The following AGBL4 variants were observed in gnomAD, a reference collection of about 807,000 sequenced individuals.
The protein encoded by AGBL4 is AGBL carboxypeptidase 4.
AGBL4 carries 58 observed loss-of-function variants against 66.4 expected under a neutral mutation model. The ratio of observed to expected loss-of-function variants is 0.87; its 90% confidence interval spans 0.71 to 1.09. The LOEUF is 1.09. AGBL4 is among the 50% of genes least tolerant of loss of function. The probability of loss-of-function intolerance (pLI) is 0.00; values close to 1 mark genes in which losing one functional copy is unlikely to be tolerated. For synonymous variants in AGBL4, 234 were observed against 222.9 expected (o/e 1.05, Z -0.44); for missense variants, 579 against 631.0 (o/e 0.92, Z 0.88).
intron 1 of AGBL4, among the ~76,000 whole-genome samples, chr1:49,999,190 T>C (rs1043068409): frequency 3.3e-5 from 5 of 151,964 alleles, no homozygotes; most frequent in Admixed American, 2.0e-4. Flanking sequence ...TACAGACTCA[T>C]CCAAAAAGCT....
intron 4 of AGBL4, among the ~76,000 whole-genome samples, chr1:49,098,248 G>A (rs953318405): frequency 1.3e-5 from 2 of 152,256 alleles, no homozygotes; most frequent in African/African-American, 4.8e-5. Flanking sequence ...TGCCTGGCCT[G>A]TAAAGAAAAT....
At chr1:50,014,637 G>T (rs1020350415) in intron 1 of AGBL4, among the ~76,000 whole-genome samples, 2 of 139,632 alleles carry the variant, frequency 1.4e-5, no homozygotes, top group African/African-American at 2.7e-5. Context: ...CAATTCTCCT[G>T]CCTCAACCTC....
chr1:49,637,917 T>C lies in AGBL4; in HGVS notation c.282+59396A>G, dbSNP rs186227686. 9.5e-4 allele frequency among the ~76,000 whole-genome samples: 144 copies of C among 152,090 alleles called. 1 individual carries two copies. The highest frequency in any genetic ancestry group is 2.8e-3 in the Admixed American group (42 of 15,266). ...CATAAAACACTTAAGAAAGAAATAATGGCCAATAAGCACATGAAAAAAATA... is the reference window on the plus strand; with the variant it reads ...CATAAAACACTTAAGAAAGAAATAACGGCCAATAAGCACATGAAAAAAATA... On this transcript the variant is annotated intron_variant, in intron 3 of 13. Transcript: ENST00000371839.
intron 3 of AGBL4, among the ~76,000 whole-genome samples, chr1:49,401,460 T>A (rs1256935346): frequency 6.6e-6 from 1 of 152,222 alleles, no homozygotes; most frequent in Non-Finnish European, 1.5e-5. Context: ...GTATGATGTA[T>A]CACATTAGTA....
intron 9 of AGBL4, among the ~76,000 whole-genome samples, chr1:48,597,740 G>C (rs1268452096): frequency 7.1e-6 from 1 of 140,926 alleles, no homozygotes; most frequent in Non-Finnish European, 1.5e-5. Context: ...GGGGAGGGGA[G>C]GGGAGACAGA....
rs545363345 is a variant in AGBL4 at position 49,378,503 on chromosome 1, G to C, written c.283-132639C>G. Among the ~76,000 whole-genome samples, 7 of 152,206 alleles carry C rather than the reference G, an allele frequency of 4.6e-5. No individual in the cohort carries two copies. The East Asian group carries it at 1.4e-3, about 29-fold the overall frequency. ...CTGATTTGAGGTAAGGAATGAGAGA[G>C]AGAACCCTGGTGAGAGGGAGCAGTG... On this transcript the variant is annotated intron_variant, in intron 3 of 13. Coordinates refer to ENST00000371839, the MANE Select transcript of AGBL4 (RefSeq NM_032785.4).
intron 6 of AGBL4, among the ~76,000 whole-genome samples, chr1:48,703,768 A>G (rs1446149181): frequency 6.6e-6 from 1 of 152,240 alleles, no homozygotes; most frequent in African/African-American, 2.4e-5. Context: ...TCAGAAAAAA[A>G]GAGTTATCAA....
chr1:48,684,338 G>A (rs1304282121), intron 6 of AGBL4, among the ~76,000 whole-genome samples: 3 of 152,214 alleles, frequency 2.0e-5, no homozygotes, highest in East Asian at 1.9e-4. Context: ...AGGGAGAGAA[G>A]GGGAAAGCAA....
At position 49,951,662 on chromosome 1, in the gene AGBL4, G is replaced by GAA. The variant is rs1656166264; in HGVS notation, c.34+72100_34+72101insTT. On this transcript the variant is annotated intron_variant, in intron 1 of 13. Coordinates refer to ENST00000371839, the MANE Select transcript of AGBL4 (RefSeq NM_032785.4). Reference sequence around the variant, plus strand: ...CTACGGCATACGTATTCCCATTGCAGTGTTACTCCCAAATAAATATCAATT... The same window carrying GAA: ...CTACGGCATACGTATTCCCATTGCAGAATGTTACTCCCAAATAAATATCAATT... Among the ~76,000 whole-genome samples the GAA allele has an allele frequency of 1.3e-5, 2 of 151,864 alleles. 1 individual carries two copies. Among genetic ancestry groups the GAA allele is most frequent in the South Asian group, 4.1e-4 (2 of 4,830 alleles).
intron 3 of AGBL4, among the ~76,000 whole-genome samples, chr1:49,620,271 GA>G: frequency 6.6e-6 from 1 of 151,576 alleles, no homozygotes; most frequent in Non-Finnish European, 1.5e-5. Context: ...AAATTTACAA[GA>G]AAAAAACAAA....
chr1:49,873,919 C>T (rs1646903070), intron 1 of AGBL4, among the ~76,000 whole-genome samples: 1 of 151,822 alleles, frequency 6.6e-6, no homozygotes, highest in South Asian at 2.1e-4. Flanking sequence ...CTCAAAGGAC[C>T]TAAAATAGCC....
chr1:49,924,262 G>A (rs1214100545), intron 1 of AGBL4, among the ~76,000 whole-genome samples: 2 of 152,090 alleles, frequency 1.3e-5, no homozygotes, highest in East Asian at 1.9e-4. Context: ...ACACATAGAG[G>A]GGAACAACAC....
At chr1:49,617,378 C>G (rs1186442124) in intron 3 of AGBL4, among the ~76,000 whole-genome samples, 5 of 152,124 alleles carry the variant, frequency 3.3e-5, no homozygotes, top group Admixed American at 2.0e-4. Flanking sequence ...AATCTCCATC[C>G]CTATACCCTC....
At chr1:49,441,163 C>T (rs946251172) in intron 3 of AGBL4, among the ~76,000 whole-genome samples, 3 of 152,156 alleles carry the variant, frequency 2.0e-5, no homozygotes, top group Admixed American at 6.5e-5. Flanking sequence ...GGTGTAAGGT[C>T]GAGAGTGTGA....
chr1:49,717,776 A>G (rs559171573), intron 2 of AGBL4, among the ~76,000 whole-genome samples: 1 of 152,194 alleles, frequency 6.6e-6, no homozygotes, highest in East Asian at 1.9e-4. Context: ...TAGATATTCA[A>G]TAAATCTCTG....
rs572538427 is a variant in AGBL4 at position 48,922,117 on chromosome 1, G to A, written c.595-54887C>T. On this transcript the variant is annotated intron_variant, in intron 5 of 13. Transcript: ENST00000371839. ...TAAGGAAGTCTTCTCCAGTGCCTGTGTGATTATCAACTCTTCTCTGATGAA... is the reference window on the plus strand; with the variant it reads ...TAAGGAAGTCTTCTCCAGTGCCTGTATGATTATCAACTCTTCTCTGATGAA... 7.9e-4 allele frequency among the ~76,000 whole-genome samples: 120 copies of A among 152,268 alleles called. 1 individual carries two copies. Among genetic ancestry groups the A allele is most frequent in the African/African-American group, 2.6e-3 (110 of 41,556 alleles).
intron 9 of AGBL4, among the ~76,000 whole-genome samples, chr1:48,620,544 A>G (rs1341101388): frequency 6.6e-6 from 1 of 152,176 alleles, no homozygotes; most frequent in Non-Finnish European, 1.5e-5. Flanking sequence ...ATTATAGGCA[A>G]GAGCCACCAT....
At chr1:48,916,491 T>A (rs1653592897) in intron 5 of AGBL4, among the ~76,000 whole-genome samples, 1 of 152,234 alleles carries the variant, frequency 6.6e-6, no homozygotes, top group African/African-American at 2.4e-5. Context: ...TTCTTGATAT[T>A]TCTAATTTGC....
In AGBL4 at chr1:49,710,493, C is replaced by T. The variant is rs373448640; in HGVS notation, c.158-13056G>A. Among the ~76,000 whole-genome samples the T allele has an allele frequency of 4.7e-3, 716 of 152,136 alleles. 1 individual carries two copies. The highest frequency in any genetic ancestry group is 7.2e-3 in the Non-Finnish European group (489 of 68,000). ...TAGGAGAAATACCTAATGTAGATGA[C>T]AGGTTGATGGGTGCAGCAAACCACC... On this transcript the variant is annotated intron_variant, in intron 2 of 13. Coordinates refer to ENST00000371839, the MANE Select transcript of AGBL4 (RefSeq NM_032785.4).
Sources: allele counts gnomAD v4.1 joint callset (sites outside exome capture counted in the v4.1 genomes callset), GRCh38; gene constraint gnomAD v4.1.1; transcripts MANE v1.5; gene names NCBI Gene and HGNC (gene_info 2026-07-23, HGNC 2026-07-21).